The following CABIN1 variants were observed in gnomAD, a reference collection of about 807,000 sequenced individuals.
CABIN1 encodes calcineurin-binding protein cabin-1.
CABIN1 carries 133 observed loss-of-function variants against 227.7 expected under a neutral mutation model. The ratio of observed to expected loss-of-function variants is 0.58; its 90% CI spans 0.51 to 0.67. CABIN1 has a LOEUF of 0.67. CABIN1 is among the 30% of genes least tolerant of loss of function. CABIN1 has a pLI of 0.00. For synonymous variants in CABIN1, 1,086 were observed against 1,155.1 expected (o/e 0.94, Z 1.21); for missense variants, 2,408 against 2,852.5 (o/e 0.84, Z 3.55).
At chr22:24,050,130 T>C (rs936842712) in intron 7 of CABIN1, among the ~76,000 whole-genome samples, 5 of 152,206 alleles carry the variant, frequency 3.3e-5, no homozygotes, top group Non-Finnish European at 7.3e-5. Context: ...TTAGTAGTGA[T>C]TTATCTTGGC....
At chr22:24,132,845 C>T (rs1035612022) in intron 28 of CABIN1, among the ~76,000 whole-genome samples, 1 of 152,224 alleles carries the variant, frequency 6.6e-6, no homozygotes, top group Non-Finnish European at 1.5e-5. Context: ...ACCTTGGCCT[C>T]CCAAAGTGCT....
Position 24,082,950 on chromosome 22 carries a change from T to G in CABIN1, c.2749-278T>G, listed in dbSNP as rs1028637191. 4.6e-5 allele frequency among the ~76,000 whole-genome samples: 7 copies of G among 152,180 alleles called. No homozygotes were observed. The East Asian group carries it at 1.3e-3, about 29-fold the overall frequency. ...GCAAATATCTTCTTCTGGTGGCTGG[T>G]AGAAATTGGCTAGGTGTGCTGAAAG... On this transcript the variant is annotated intron_variant, in intron 19 of 36. Transcript: ENST00000263119.
intron 8 of CABIN1, among the ~76,000 whole-genome samples, chr22:24,053,376 A>G (rs962917029): frequency 7.0e-5 from 10 of 143,608 alleles, no homozygotes; most frequent in Non-Finnish European, 1.4e-4. Flanking sequence ...GCACCCAGCC[A>G]GCACTGTCCT....
intron 19 of CABIN1, among the ~76,000 whole-genome samples, chr22:24,081,042 A>G (rs559750162): frequency 6.6e-6 from 1 of 152,226 alleles, no homozygotes; most frequent in Non-Finnish European, 1.5e-5. Flanking sequence ...CAGGGCTTCC[A>G]TTGCCTCAGA....
At chr22:24,046,956 G>A (rs1419907875) in intron 6 of CABIN1, among the ~76,000 whole-genome samples, 1 of 152,156 alleles carries the variant, frequency 6.6e-6, no homozygotes, top group Non-Finnish European at 1.5e-5. Context: ...CTCTTATGCG[G>A]GGGAAGGTCA....
Position 24,168,069 on chromosome 22 carries a change from C to T in CABIN1, c.5683-378C>T, listed in dbSNP as rs1335778746. 8.5e-5 allele frequency among the ~76,000 whole-genome samples: 13 copies of T among 152,322 alleles called. No individual in the cohort carries two copies. In the East Asian group the frequency reaches 2.1e-3, roughly 25 times the overall value. ...GGCTTGGTTGGAGCCCTTGAGTCTG[C>T]CTGCCAGCCTCAGCTTGTGAGGATG... On this transcript the variant is annotated intron_variant, in intron 32 of 36. Transcript: ENST00000263119.
Position 24,072,433 on chromosome 22 carries a change from A to G in CABIN1, c.2555A>G (p.His852Arg), listed in dbSNP as rs2040155791. ...VSSVLPWIIL[H>R]RIIWQEEDTF... ...TCAGTGCTACCCTGGATCATTCTACACCGGATCATCTGGCAGGAGGAAGAC... is the reference window on the plus strand; with the variant it reads ...TCAGTGCTACCCTGGATCATTCTACGCCGGATCATCTGGCAGGAGGAAGAC... Residue 852 changes from histidine (H) to arginine (R), a missense_variant, in exon 18 of 37, where the codon CAC (histidine) becomes CGC (arginine). By Grantham distance (29) the His-to-Arg change is conservative. Around this residue, in one of 3 missense-constraint regions of CABIN1, gnomAD observed 1,045 missense variants for 1,168.4 expected, o/e 0.89. Transcript: ENST00000263119. 6.2e-7 allele frequency: 1 copy of G among 1,614,094 alleles called. No homozygotes were observed. Among genetic ancestry groups the G allele is most frequent in the Non-Finnish European group, 8.5e-7 (1 of 1,179,982 alleles).
At chr22:24,105,169 G>A (rs539882987) in intron 26 of CABIN1, among the ~76,000 whole-genome samples, 78 of 152,266 alleles carry the variant, frequency 5.1e-4, no homozygotes, top group African/African-American at 1.9e-3. Context: ...CAGCCTTTCT[G>A]TCACTGAGCC....
At chr22:24,127,167 C>T (rs1250184970) in intron 28 of CABIN1, among the ~76,000 whole-genome samples, 2 of 152,118 alleles carry the variant, frequency 1.3e-5, no homozygotes, top group African/African-American at 4.8e-5. Flanking sequence ...ATGGCCCCAT[C>T]TAACAGGAAA....
chr22:24,084,765 A>C lies in CABIN1; in HGVS notation c.3097A>C (p.Ile1033Leu), dbSNP rs757493240. Residue 1033 changes from isoleucine to leucine, a missense_variant, in exon 21 of 37, where the codon ATT (isoleucine) becomes CTT (leucine). Physicochemically the swap from Ile to Leu is conservative, Grantham distance 5 (BLOSUM62 2). This residue lies in a region of CABIN1 where 649 missense variants were observed against 910.3 expected (regional missense o/e 0.71). Coordinates refer to ENST00000263119, the MANE Select transcript of CABIN1 (RefSeq NM_012295.4). ...TAGCCTGGACAAAGTCTCTGCCTAC[A>C]TTGAGGGAACTTCAACTGAGGTGGG... is the stretch of plus-strand genomic sequence containing the variant. ...ALSLDKVSAYIEGTSTEVPCL... is the reference protein window; with the variant it reads ...ALSLDKVSAYLEGTSTEVPCL... 2.3e-5 allele frequency: 37 copies of C among 1,614,188 alleles called. No homozygotes were observed. The African/African-American group carries it at 4.1e-4, about 18-fold the overall frequency.
chr22:24,141,189 T>C (rs1317680606), intron 29 of CABIN1, among the ~76,000 whole-genome samples: 3 of 152,130 alleles, frequency 2.0e-5, no homozygotes, highest in Non-Finnish European at 4.4e-5. Flanking sequence ...CTCCATAAGC[T>C]CAAGGCCCTG....
At chr22:24,045,905 A>G (rs1042094364) in intron 6 of CABIN1, among the ~76,000 whole-genome samples, 8 of 152,190 alleles carry the variant, frequency 5.3e-5, no homozygotes, top group African/African-American at 1.9e-4. Flanking sequence ...TTTTTAATTG[A>G]GGCAAAACAT....
chr22:24,166,490 T>C, intron 31 of CABIN1, 149 bp from the exon 32 acceptor site: 2 of 989,678 alleles, frequency 2.0e-6, no homozygotes, highest in East Asian at 4.7e-5. Context: ...CTCTGATAAC[T>C]GAAACACAGC....
rs1601907008 is a variant in CABIN1, at chr22:24,070,784, C to T, written c.2233-16C>T. 6 of 1,614,122 alleles carry T rather than the reference C, an allele frequency of 3.7e-6. No individual in the cohort carries two copies. In the East Asian group the frequency reaches 1.3e-4, roughly 36 times the overall value. ...TGAGCTCACCGTGCACTTCACCTGG[C>T]TTCTTGCTGTACTAGGACTCCTTGC... On this transcript the variant is annotated splice_polypyrimidine_tract_variant and intron_variant, in intron 16 of 36. Coordinates refer to ENST00000263119, the MANE Select transcript of CABIN1 (RefSeq NM_012295.4).
At chr22:24,125,901 G>A (rs1303852974) in intron 28 of CABIN1, among the ~76,000 whole-genome samples, 1 of 152,208 alleles carries the variant, frequency 6.6e-6, no homozygotes, top group East Asian at 1.9e-4. Flanking sequence ...GGGCCCTTAG[G>A]TGCCAGAGGA....
chr22:24,150,539 G>A (rs1218458530), intron 29 of CABIN1, among the ~76,000 whole-genome samples: 1 of 152,212 alleles, frequency 6.6e-6, no homozygotes, highest in Non-Finnish European at 1.5e-5. Flanking sequence ...ACCACCTCGG[G>A]GTGTGGAGGC....
At chr22:24,012,665 T>C (rs2034911593) in intron 1 of CABIN1, among the ~76,000 whole-genome samples, 1 of 152,232 alleles carries the variant, frequency 6.6e-6, no homozygotes, top group Non-Finnish European at 1.5e-5. Flanking sequence ...CTTAGACTAA[T>C]AAGCCTGGTG....
intron 4 of CABIN1, 62 bp downstream of exon 4, chr22:24,038,523 G>C (rs1601726147): frequency 8.5e-7 from 1 of 1,177,072 alleles, no homozygotes; most frequent in Non-Finnish European, 1.3e-6. Flanking sequence ...GTGGGGCTGG[G>C]TACTCTGGGC....
rs762273 is a variant in CABIN1 at position 24,062,975 on chromosome 22, C to T, written c.1713C>T (p.Cys571=). 98,801 of 1,614,082 alleles carry T rather than the reference C, an allele frequency of 0.061. 3,469 individuals carry two copies. The highest frequency in any genetic ancestry group is 0.11 in the South Asian group (9,811 of 91,080). The change falls in exon 14 of 37, where the codon TGC becomes TGT. Residue 571 remains cysteine (C), a synonymous_variant. Coordinates refer to ENST00000263119, the MANE Select transcript of CABIN1 (RefSeq NM_012295.4). ...GGTTTTTAGTGTCTCCTCGGAACTG[C>T]CCTGCTGGTATGGTGAATGGCAGAT... The part of the protein sequence containing the change: ...GRSSAVSPRN[C]PAGMVNGRFG...
Sources: gnomAD v4.1 joint callset for allele counts (sites outside exome capture counted in the v4.1 genomes callset) on GRCh38, gnomAD v4.1.1 for gene constraint, gnomAD v4.1.1 regional missense constraint, MANE v1.5 for transcripts, NCBI Gene and HGNC (gene_info 2026-07-23, HGNC 2026-07-21) for gene names.